PITPNC1: variants seen among roughly 807,000 people sequenced by gnomAD.
The protein encoded by PITPNC1 is cytoplasmic phosphatidylinositol transfer protein 1.
PITPNC1 carries 18 observed loss-of-function variants against 44.7 expected under a neutral mutation model. The observed-to-expected ratio is 0.40, with a 90% CI of 0.28 to 0.60. PITPNC1 has a LOEUF of 0.60. PITPNC1 is among the 20% of genes least tolerant of loss of function. PITPNC1 has a pLI of 0.39. For synonymous variants in PITPNC1, 141 were observed against 149.6 expected (o/e 0.94, Z 0.42); for missense variants, 290 against 418.4 (o/e 0.69, Z 2.68).
At chr17:67,532,514 C>T (rs967342561) in intron 1 of PITPNC1, among the ~76,000 whole-genome samples, 3 of 152,120 alleles carry the variant, frequency 2.0e-5, no homozygotes, top group Admixed American at 6.6e-5. Flanking sequence ...CCAGTGTCCC[C>T]CTTCCCAAGG....
chr17:67,463,941 C>G (rs1326077374), intron 1 of PITPNC1, among the ~76,000 whole-genome samples: 2 of 151,828 alleles, frequency 1.3e-5, no homozygotes, highest in Non-Finnish European at 2.9e-5. Flanking sequence ...TGCCTGTAAC[C>G]CCAGCACTTT....
At chr17:67,613,888 T>C (rs1392343360) in intron 5 of PITPNC1, 4 of 108,574 alleles carry the variant, frequency 3.7e-5, no homozygotes, top group Non-Finnish European at 5.3e-5. Flanking sequence ...AGCCCAGGAG[T>C]TCGAAACCAG....
intron 5 of PITPNC1, among the ~76,000 whole-genome samples, chr17:67,586,034 G>T (rs560461525): frequency 6.6e-6 from 1 of 152,132 alleles, no homozygotes; most frequent in Non-Finnish European, 1.5e-5. Flanking sequence ...GGGAGCAAAG[G>T]CCCTGGACCC....
At chr17:67,619,323 TTAATTTAA>T (rs2041800701) in intron 5 of PITPNC1, among the ~76,000 whole-genome samples, 1 of 152,160 alleles carries the variant, frequency 6.6e-6, no homozygotes, top group African/African-American at 2.4e-5. Context: ...TTTAAGTAGT[TTAATTTAA>T]TAGAGAGAAA....
At chr17:67,565,836 G>A (rs2040972483) in intron 4 of PITPNC1, among the ~76,000 whole-genome samples, 1 of 149,488 alleles carries the variant, frequency 6.7e-6, no homozygotes, top group African/African-American at 2.5e-5. Context: ...AGTTTTCCAT[G>A]TTTTTCGGTG....
chr17:67,642,189 T>C (rs894797205), intron 6 of PITPNC1, among the ~76,000 whole-genome samples: 2 of 152,192 alleles, frequency 1.3e-5, no homozygotes, highest in African/African-American at 4.8e-5. Flanking sequence ...GGGAAAAACA[T>C]TGAGTACCAA....
chr17:67,535,643 A>T (rs1452919316), intron 2 of PITPNC1, among the ~76,000 whole-genome samples: 1 of 152,218 alleles, frequency 6.6e-6, no homozygotes, highest in Non-Finnish European at 1.5e-5. Context: ...ACTTCCAGTA[A>T]TAGTAAGGAA....
At chr17:67,678,803 A>G (rs1340058873) in intron 8 of PITPNC1, among the ~76,000 whole-genome samples, 1 of 152,224 alleles carries the variant, frequency 6.6e-6, no homozygotes. Flanking sequence ...GGGTACCTGA[A>G]GTGGCCTATT....
intron 5 of PITPNC1, among the ~76,000 whole-genome samples, chr17:67,594,019 C>G (rs2041427525): frequency 1.3e-5 from 2 of 152,204 alleles, no homozygotes; most frequent in African/African-American, 2.4e-5. Flanking sequence ...GGACAGCAAT[C>G]TTGGGTCGTG....
chr17:67,392,432 C>T (rs754043266), intron 1 of PITPNC1, among the ~76,000 whole-genome samples: 6 of 151,910 alleles, frequency 3.9e-5, no homozygotes, highest in Non-Finnish European at 8.8e-5. Flanking sequence ...TTAAAGAGAC[C>T]GGGGTCTCGC....
chr17:67,495,736 T>G (rs541453632), intron 1 of PITPNC1, among the ~76,000 whole-genome samples: 30 of 152,338 alleles, frequency 2.0e-4, no homozygotes, highest in African/African-American at 7.2e-4. Flanking sequence ...TGTGGCTGTA[T>G]AGTATTCCAT....
chr17:67,659,941 G>A (rs182199366), intron 6 of PITPNC1, among the ~76,000 whole-genome samples: 3 of 151,948 alleles, frequency 2.0e-5, no homozygotes, highest in South Asian at 4.2e-4. Flanking sequence ...GTGCAGTGGC[G>A]CAATCTCAGG....
chr17:67,675,521 G>A lies in PITPNC1; in HGVS notation c.661G>A (p.Ala221Thr), dbSNP rs2042585669. 2 of 1,610,192 alleles carry A rather than the reference G, an allele frequency of 1.2e-6. No individual in the cohort carries two copies. The highest frequency in any genetic ancestry group is 2.2e-5 in the South Asian group (2 of 91,010). Residue 221 changes from alanine to threonine, a missense_variant, in exon 8 of 9, where the codon GCA (alanine) becomes ACA (threonine). Transcript: ENST00000581322. ...GCTGATTGGACATAGACAGGCTTTTGCATGGGTTGATGAGTGGTATGGTAA... is the reference window on the plus strand; with the variant it reads ...GCTGATTGGACATAGACAGGCTTTTACATGGGTTGATGAGTGGTATGGTAA... ...ILLIGHRQAFAWVDEWYDMTM... is the reference protein window; with the variant it reads ...ILLIGHRQAFTWVDEWYDMTM...
chr17:67,595,388 T>C (rs2041446651), intron 5 of PITPNC1, among the ~76,000 whole-genome samples: 2 of 151,946 alleles, frequency 1.3e-5, no homozygotes, highest in South Asian at 4.2e-4. Context: ...GATTTCTTAC[T>C]AAAAATCCCT....
chr17:67,440,977 G>C (rs1049727339), intron 1 of PITPNC1, among the ~76,000 whole-genome samples: 2 of 152,062 alleles, frequency 1.3e-5, no homozygotes, highest in African/African-American at 4.8e-5. Flanking sequence ...AGAGTATTAA[G>C]ATCCCCAGGC....
intron 1 of PITPNC1, among the ~76,000 whole-genome samples, chr17:67,487,731 C>CA (rs1177066906): frequency 1.3e-5 from 2 of 152,064 alleles, no homozygotes; most frequent in Non-Finnish European, 2.9e-5. Context: ...CTTTCTAGGC[C>CA]AAGTGTAAGC....
intron 7 of PITPNC1, among the ~76,000 whole-genome samples, chr17:67,673,578 T>C (rs983783394): frequency 3.3e-5 from 5 of 152,078 alleles, no homozygotes; most frequent in South Asian, 2.1e-4. Flanking sequence ...ACGGCCTTTT[T>C]CCCCCTCTTC....
chr17:67,495,822 A>T (rs2060972607), intron 1 of PITPNC1, among the ~76,000 whole-genome samples: 1 of 152,206 alleles, frequency 6.6e-6, no homozygotes, highest in Admixed American at 6.5e-5. Flanking sequence ...TATGGTCATA[A>T]CATATAAAGC....
intron 1 of PITPNC1, among the ~76,000 whole-genome samples, chr17:67,394,621 A>C (rs2038187716): frequency 6.6e-6 from 1 of 152,110 alleles, no homozygotes; most frequent in Non-Finnish European, 1.5e-5. Flanking sequence ...TACACAGTTA[A>C]GGCCGGGCAC....
Sources: allele counts gnomAD v4.1 joint callset (sites outside exome capture counted in the v4.1 genomes callset), GRCh38; gene constraint gnomAD v4.1.1; transcripts MANE v1.5; gene names NCBI Gene and HGNC (gene_info 2026-07-23, HGNC 2026-07-21).